Variants in LRFN2 observed in about 807,000 individuals in gnomAD.
LRFN2 encodes leucine rich repeat and fibronectin type III domain containing 2.
In LRFN2, 18 loss-of-function variants were observed where a neutral mutation model predicts 37.3. The ratio of observed to expected loss-of-function variants is 0.48; its 90% CI spans 0.33 to 0.72. The LOEUF is 0.72. Among genes scored for constraint, LRFN2 ranks in the 30% least tolerant of loss-of-function variants. The pLI is 0.02. For synonymous variants in LRFN2, 556 were observed against 466.6 expected, an observed-to-expected ratio of 1.19 and a Z score of -2.47; for missense variants, 1,006 against 1,060.7, an observed-to-expected ratio of 0.95 and a Z score of 0.72.
intron 1 of LRFN2, among the ~76,000 whole-genome samples, chr6:40,503,673 G>A (rs766179809): frequency 1.3e-5 from 2 of 152,180 alleles, no homozygotes; most frequent in Non-Finnish European, 2.9e-5. Flanking sequence ...GATTGCCCAG[G>A]GAGAGGGTAG....
At chr6:40,442,180 T>C (rs1337312758) in intron 1 of LRFN2, among the ~76,000 whole-genome samples, 1 of 152,172 alleles carries the variant, frequency 6.6e-6, no homozygotes, top group Non-Finnish European at 1.5e-5. Flanking sequence ...CAGTGCAGGG[T>C]CTTCTCTAGG....
intron 1 of LRFN2, among the ~76,000 whole-genome samples, chr6:40,561,234 G>A (rs1766988261): frequency 6.6e-6 from 1 of 152,186 alleles, no homozygotes; most frequent in African/African-American, 2.4e-5. Flanking sequence ...ACCTTCAGGG[G>A]AACAGAAAAG....
At chr6:40,518,780 T>A (rs1015461286) in intron 1 of LRFN2, among the ~76,000 whole-genome samples, 1 of 152,172 alleles carries the variant, frequency 6.6e-6, no homozygotes, top group Non-Finnish European at 1.5e-5. Context: ...GAACAGGACA[T>A]GGCTTCTGCC....
intron 1 of LRFN2, among the ~76,000 whole-genome samples, chr6:40,557,528 C>T (rs1766912745): frequency 6.6e-6 from 1 of 152,064 alleles, no homozygotes; most frequent in Non-Finnish European, 1.5e-5. Context: ...TCTGTGGAGG[C>T]CCTGGGGTCA....
At position 40,565,223 on chromosome 6, in the gene LRFN2, T is replaced by G. The variant is rs564589257; in HGVS notation, c.-19+21718A>C. 1.7e-3 allele frequency among the ~76,000 whole-genome samples: 255 copies of G among 152,074 alleles called. 4 individuals carry two copies. Among genetic ancestry groups the G allele is most frequent in the Non-Finnish European group, 2.1e-3 (141 of 67,994 alleles). Reference sequence around the variant, plus strand: ...AGGAGAACTACAAACCACTGCTCAATGAAATAAAAGAGGATACAAACAAAT... The same window carrying G: ...AGGAGAACTACAAACCACTGCTCAAGGAAATAAAAGAGGATACAAACAAAT... On this transcript the variant is annotated intron_variant, in intron 1 of 2. Coordinates refer to ENST00000338305, the MANE Select transcript of LRFN2 (RefSeq NM_020737.3).
chr6:40,512,998 A>G (rs1053343980), intron 1 of LRFN2, among the ~76,000 whole-genome samples: 4 of 152,174 alleles, frequency 2.6e-5, no homozygotes, highest in African/African-American at 9.6e-5. Context: ...TATAAACGTC[A>G]GGCCTGATGC....
intron 2 of LRFN2, among the ~76,000 whole-genome samples, chr6:40,394,538 T>C (rs1347606884): frequency 1.3e-5 from 2 of 152,136 alleles, no homozygotes; most frequent in Non-Finnish European, 2.9e-5. Flanking sequence ...CAGACAGATA[T>C]TGACATCCCG....
intron 2 of LRFN2, among the ~76,000 whole-genome samples, chr6:40,406,640 C>T (rs975530529): frequency 3.3e-5 from 5 of 152,214 alleles, no homozygotes; most frequent in African/African-American, 1.2e-4. Context: ...CATCCTAGCT[C>T]TGGACAACTC....
chr6:40,480,142 C>G (rs1764794251), intron 1 of LRFN2, among the ~76,000 whole-genome samples: 1 of 152,208 alleles, frequency 6.6e-6, no homozygotes, highest in South Asian at 2.1e-4. Context: ...TTATACAGCA[C>G]TGGGTATTAT....
chr6:40,498,110 A>G (rs1433609047), intron 1 of LRFN2, among the ~76,000 whole-genome samples: 1 of 152,168 alleles, frequency 6.6e-6, no homozygotes, highest in African/African-American at 2.4e-5. Context: ...TGACTCTACA[A>G]CAGCGCGCCT....
At chr6:40,424,140 C>T (rs968688064) in intron 2 of LRFN2, among the ~76,000 whole-genome samples, 3 of 152,178 alleles carry the variant, frequency 2.0e-5, no homozygotes, top group African/African-American at 4.8e-5. Context: ...ACCAGAAATC[C>T]TCATCTTGCC....
chr6:40,482,033 C>T (rs1764842705), intron 1 of LRFN2, among the ~76,000 whole-genome samples: 2 of 152,226 alleles, frequency 1.3e-5, no homozygotes, highest in African/African-American at 2.4e-5. Context: ...TACCAGTTAC[C>T]TAGCTTGCCC....
chr6:40,455,178 C>T (rs1384285178), intron 1 of LRFN2, among the ~76,000 whole-genome samples: 1 of 152,190 alleles, frequency 6.6e-6, no homozygotes, highest in Non-Finnish European at 1.5e-5. Context: ...ATGGTTTCTG[C>T]CTTGGAGTCA....
At chr6:40,513,010 T>C (rs1472684959) in intron 1 of LRFN2, among the ~76,000 whole-genome samples, 1 of 152,116 alleles carries the variant, frequency 6.6e-6, no homozygotes, top group African/African-American at 2.4e-5. Flanking sequence ...GCCTGATGCT[T>C]GTAACAGGCA....
chr6:40,474,951 T>C (rs1478643152), intron 1 of LRFN2, among the ~76,000 whole-genome samples: 1 of 152,228 alleles, frequency 6.6e-6, no homozygotes, highest in Non-Finnish European at 1.5e-5. Flanking sequence ...CCTGTGCTTT[T>C]CTGGGTCTTC....
chr6:40,555,403 C>T (rs1464832126), intron 1 of LRFN2, among the ~76,000 whole-genome samples: 1 of 152,186 alleles, frequency 6.6e-6, no homozygotes, highest in Non-Finnish European at 1.5e-5. Context: ...ACAAGTGAGA[C>T]TACGCCAGCA....
intron 2 of LRFN2, among the ~76,000 whole-genome samples, chr6:40,401,166 T>A (rs894132616): frequency 2.0e-5 from 2 of 101,492 alleles, no homozygotes; most frequent in Non-Finnish European, 4.6e-5. Context: ...AGTTTCCACC[T>A]GGTCCTCAGC....
chr6:40,515,164 T>G (rs1162113144), intron 1 of LRFN2, among the ~76,000 whole-genome samples: 1 of 152,232 alleles, frequency 6.6e-6, no homozygotes, highest in Non-Finnish European at 1.5e-5. Flanking sequence ...CATGCTAAAA[T>G]GAGTGTGCTT....
intron 1 of LRFN2, among the ~76,000 whole-genome samples, chr6:40,487,947 C>A (rs1418952073): frequency 2.6e-5 from 4 of 152,176 alleles, no homozygotes; most frequent in African/African-American, 9.7e-5. Context: ...AAGCCCCAGA[C>A]TCCTCTGGCT....
Sources: gnomAD v4.1 joint callset for allele counts (sites outside exome capture counted in the v4.1 genomes callset) on GRCh38, gnomAD v4.1.1 for gene constraint, MANE v1.5 for transcripts, NCBI Gene and HGNC (gene_info 2026-07-23, HGNC 2026-07-21) for gene names.